Variants in SKA2 observed in about 807,000 individuals in gnomAD.
SKA2 encodes the protein spindle and kinetochore-associated protein 2.
A neutral mutation model predicts 16.9 loss-of-function variants in SKA2; 13 were observed. The observed-to-expected ratio is 0.77, with a 90% CI of 0.50 to 1.22. The LOEUF (loss-of-function observed/expected upper bound fraction) is 1.22, where lower values mean the gene tolerates loss of function less well. Ranked by LOEUF, SKA2 falls within the 50% of genes most tolerant of loss-of-function variation. The pLI is 0.00. For missense variants in SKA2, 107 were observed against 139.7 expected, an observed-to-expected ratio of 0.77 and a Z score of 1.18; for synonymous variants, 47 against 48.5, an observed-to-expected ratio of 0.97 and a Z score of 0.13.
intron 1 of SKA2, among the ~76,000 whole-genome samples, chr17:59,146,787 C>A (rs1275487371): frequency 6.6e-6 from 1 of 152,098 alleles, no homozygotes; most frequent in African/African-American, 2.4e-5. Context: ...GCCACAGCCT[C>A]CTACGTAGCT....
intron 2 of SKA2, among the ~76,000 whole-genome samples, chr17:59,119,977 C>T (rs900377598): frequency 8.5e-4 from 128 of 151,026 alleles, no homozygotes; most frequent in African/African-American, 2.9e-3. Flanking sequence ...GGCGCAATCT[C>T]AGCTCACTGC....
At chr17:59,138,295 G>C (rs2046461429) in intron 1 of SKA2, among the ~76,000 whole-genome samples, 1 of 151,736 alleles carries the variant, frequency 6.6e-6, no homozygotes, top group Admixed American at 6.6e-5. Flanking sequence ...CTCCTATTTT[G>C]GAATATTTGC....
intron 1 of SKA2, among the ~76,000 whole-genome samples, chr17:59,146,739 A>G (rs994478288): frequency 2.6e-5 from 4 of 152,108 alleles, no homozygotes; most frequent in African/African-American, 9.7e-5. Flanking sequence ...ATCATAGCTC[A>G]TTGCAGTCTT....
Position 59,119,345 on chromosome 17 carries a change from T to C in SKA2, c.271A>G (p.Lys91Glu), listed in dbSNP as rs1312499116. The change falls in exon 3 of 4, where the codon AAA becomes GAA. Residue 91 changes from lysine (K) to glutamate (E), a missense_variant. Physicochemically the swap from Lys to Glu is moderately conservative, Grantham distance 56. Coordinates refer to ENST00000330137, the MANE Select transcript of SKA2 (RefSeq NM_182620.4). ...TCCAGGTCTGTTTGCTTCTGTAGTTTTTGTATCATATTCATAGTCTTTTTC... is the reference window on the plus strand; with the variant it reads ...TCCAGGTCTGTTTGCTTCTGTAGTTCTTGTATCATATTCATAGTCTTTTTC... ...TVKKTMNMIQ[K>E]LQKQTDLELS... 38 of 1,613,806 alleles carry C rather than the reference T, an allele frequency of 2.4e-5. No homozygotes were observed. Among genetic ancestry groups the C allele is most frequent in the Non-Finnish European group, 3.0e-5 (35 of 1,179,864 alleles).
At position 59,135,700 on chromosome 17, in the gene SKA2, G is replaced by A. The variant is rs544816196; in HGVS notation, c.34-4333C>T. Among the ~76,000 whole-genome samples, 176 of 150,528 alleles carry A rather than the reference G, an allele frequency of 1.2e-3. 2 individuals are homozygous for A. The highest frequency in any genetic ancestry group is 4.4e-3 in the South Asian group (21 of 4,800). Reference sequence around the variant, plus strand: ...TTATATAAATTAGCCGGACACGGTGGCTGAAAAAAATATTTTCTACCACAC... The same window carrying A: ...TTATATAAATTAGCCGGACACGGTGACTGAAAAAAATATTTTCTACCACAC... On this transcript the variant is annotated intron_variant, in intron 1 of 3. Transcript: ENST00000330137.
At chr17:59,140,777 ATT>A (rs34547204) in intron 1 of SKA2, among the ~76,000 whole-genome samples, 17 of 129,918 alleles carry the variant, frequency 1.3e-4, no homozygotes, top group South Asian at 2.5e-4. Context: ...CACCCGCCTA[ATT>A]TTTTTTTTTT....
At chr17:59,135,023 C>T (rs1488002360) in intron 1 of SKA2, among the ~76,000 whole-genome samples, 7 of 151,938 alleles carry the variant, frequency 4.6e-5, no homozygotes, top group Admixed American at 1.3e-4. Flanking sequence ...TTAGTAGAGA[C>T]GGGGTTTCAC....
At chr17:59,116,866 G>A (rs972323052) in intron 3 of SKA2, among the ~76,000 whole-genome samples, 1 of 125,120 alleles carries the variant, frequency 8.0e-6, no homozygotes, top group African/African-American at 3.2e-5. Flanking sequence ...TTGCCAGGCT[G>A]AAGTGCAGTG....
At chr17:59,127,113 C>T (rs943964584) in intron 2 of SKA2, among the ~76,000 whole-genome samples, 2 of 151,932 alleles carry the variant, frequency 1.3e-5, no homozygotes, top group Non-Finnish European at 2.9e-5. Context: ...AAGAAAGGAA[C>T]GTGGAGTTAT....
intron 1 of SKA2, among the ~76,000 whole-genome samples, chr17:59,139,604 C>CCTCCCAAAGTG (rs2046473111): frequency 1.3e-5 from 2 of 151,962 alleles, no homozygotes; most frequent in African/African-American, 4.8e-5. Flanking sequence ...CCCGCCTTGG[C>CCTCCCAAAGTG]CTCCCAAAGT....
chr17:59,112,609 C>T (rs115068134), intron 3 of SKA2, among the ~76,000 whole-genome samples: 63 of 152,204 alleles, frequency 4.1e-4, no homozygotes, highest in African/African-American at 1.5e-3. Context: ...ATAGCAGAAC[C>T]AAAGAAGTCA....
intron 1 of SKA2, among the ~76,000 whole-genome samples, chr17:59,135,310 CTTTTTT>C (rs71145527): frequency 2.9e-4 from 36 of 126,122 alleles, no homozygotes; most frequent in African/African-American, 1.7e-4. Flanking sequence ...ACTAAACTGT[CTTTTTT>C]TTTTTTTTTT....
intron 3 of SKA2, among the ~76,000 whole-genome samples, chr17:59,116,653 A>G (rs2046298168): frequency 6.6e-6 from 1 of 152,138 alleles, no homozygotes; most frequent in Non-Finnish European, 1.5e-5. Flanking sequence ...CTGAACAGAT[A>G]TACATTCTGT....
At chr17:59,131,392 T>G (rs2046410929) in intron 1 of SKA2, 25 bp from the exon 2 acceptor site, 2 of 1,450,860 alleles carry the variant, frequency 1.4e-6, no homozygotes, top group Non-Finnish European at 1.9e-6. Context: ...AAATCATTAT[T>G]GTGTAAACCA....
intron 1 of SKA2, among the ~76,000 whole-genome samples, chr17:59,133,816 A>C (rs1411567713): frequency 1.3e-5 from 2 of 152,182 alleles, no homozygotes; most frequent in Non-Finnish European, 2.9e-5. Flanking sequence ...TTTATAGCCA[A>C]AACTTGGGGG....
Position 59,112,055 on chromosome 17 carries a change from C to T in SKA2, c.*222G>A, listed in dbSNP as rs1489271373. 11 of 518,080 alleles carry T rather than the reference C, an allele frequency of 2.1e-5. No individual in the cohort carries two copies. Among genetic ancestry groups the T allele is most frequent in the African/African-American group, 5.9e-5 (3 of 50,888 alleles). 32.1% of individuals were successfully genotyped at this position (518,080 alleles called of 1,614,324 possible). On this transcript the variant is annotated 3_prime_UTR_variant, in exon 4 of 4. Transcript: ENST00000330137. ...CATGCGTGTGTACATATATTTAAATCGTTTTATTCTCATTTGATCCTTTTG... is the reference window on the plus strand; with the variant it reads ...CATGCGTGTGTACATATATTTAAATTGTTTTATTCTCATTTGATCCTTTTG...
intron 1 of SKA2, among the ~76,000 whole-genome samples, chr17:59,150,105 C>T (rs1034762481): frequency 6.6e-6 from 1 of 152,118 alleles, no homozygotes; most frequent in Non-Finnish European, 1.5e-5. Flanking sequence ...TGTCAAAACT[C>T]GTCAGTTCAC....
chr17:59,143,741 C>T (rs1230818414), intron 1 of SKA2, among the ~76,000 whole-genome samples: 2 of 151,884 alleles, frequency 1.3e-5, no homozygotes, highest in African/African-American at 2.4e-5. Context: ...CCAAATGCTG[C>T]GATTATAGGC....
chr17:59,154,870 G>A, intron 1 of SKA2: 2 of 1,449,334 alleles, frequency 1.4e-6, no homozygotes, highest in South Asian at 1.2e-5. Context: ...TAAAGGTGAG[G>A]GCAAGGAACA....
Sources: allele counts gnomAD v4.1 joint callset (sites outside exome capture counted in the v4.1 genomes callset), GRCh38; gene constraint gnomAD v4.1.1; transcripts MANE v1.5; gene names NCBI Gene and HGNC (gene_info 2026-07-23, HGNC 2026-07-21).